PHF2: variants seen among roughly 807,000 people sequenced by gnomAD.
PHF2 encodes the protein PHD finger protein 2.
In PHF2, 27 loss-of-function variants were observed where a neutral mutation model predicts 120.5. The ratio of observed to expected loss-of-function variants is 0.22; its 90% CI spans 0.17 to 0.31. PHF2 has a LOEUF of 0.31. Among genes scored for constraint, PHF2 ranks in the 10% least tolerant of loss-of-function variants. The pLI is 1.00. For synonymous variants in PHF2, 568 were observed against 592.5 expected, an observed-to-expected ratio of 0.96 and a Z score of 0.60; for missense variants, 1,024 against 1,434.8, an observed-to-expected ratio of 0.71 and a Z score of 4.63.
At chr9:93,604,900 AG>A (rs1825511515) in intron 1 of PHF2, among the ~76,000 whole-genome samples, 1 of 152,026 alleles carries the variant, frequency 6.6e-6, no homozygotes, top group Non-Finnish European at 1.5e-5. Context: ...TTTATGTCTT[AG>A]CATTCCCACC....
intron 12 of PHF2, among the ~76,000 whole-genome samples, chr9:93,662,518 G>GAATT (rs1407715309): frequency 6.7e-6 from 1 of 149,384 alleles, no homozygotes. Flanking sequence ...ATGAACGAAT[G>GAATT]GATGGATGGG....
At chr9:93,582,144 A>G (rs1006242899) in intron 1 of PHF2, among the ~76,000 whole-genome samples, 6 of 152,172 alleles carry the variant, frequency 3.9e-5, no homozygotes, top group African/African-American at 1.4e-4. Flanking sequence ...ACACAGAAGC[A>G]GCTAGGGCCT....
chr9:93,581,571 C>G (rs1287433360), intron 1 of PHF2, among the ~76,000 whole-genome samples: 1 of 152,216 alleles, frequency 6.6e-6, no homozygotes, highest in South Asian at 2.1e-4. Context: ...AGACATCCCT[C>G]TCTGTCGATG....
intron 2 of PHF2, among the ~76,000 whole-genome samples, chr9:93,635,421 T>G (rs1826073986): frequency 6.6e-6 from 1 of 152,126 alleles, no homozygotes; most frequent in South Asian, 2.1e-4. Context: ...CCTGCCTGGC[T>G]CTGCTCTTGA....
intron 11 of PHF2, 150 bp downstream of exon 11, chr9:93,659,750 A>T (rs1250521512): frequency 1.4e-5 from 10 of 709,952 alleles, no homozygotes; most frequent in Non-Finnish European, 2.4e-5. Flanking sequence ...TTTCCTGGGC[A>T]AGCTTGCCTT....
chr9:93,649,589 C>T (rs1826325853), intron 5 of PHF2, among the ~76,000 whole-genome samples: 2 of 152,132 alleles, frequency 1.3e-5, no homozygotes, highest in Admixed American at 6.5e-5. Context: ...TCATGACACA[C>T]TCAGACACAT....
chr9:93,586,288 G>A, intron 1 of PHF2, among the ~76,000 whole-genome samples: 1 of 152,204 alleles, frequency 6.6e-6, no homozygotes, highest in East Asian at 1.9e-4. Context: ...TGGTGCTTGT[G>A]GAATCTCTCC....
In PHF2 at chr9:93,576,791, G is replaced by T; in HGVS notation, c.18G>T (p.Val6=). ...GCGGCAACATGGCGACGGTGCCCGTGTACTGCGTCTGCCGGCTCCCCTACG... is the reference window on the plus strand; with the variant it reads ...GCGGCAACATGGCGACGGTGCCCGTTTACTGCGTCTGCCGGCTCCCCTACG... The part of the protein sequence containing the change: MATVP[V]YCVCRLPYDV... The change falls in exon 1 of 22, where the codon GTG becomes GTT. Residue 6 remains valine, a synonymous_variant. Coordinates refer to ENST00000359246, the MANE Select transcript of PHF2 (RefSeq NM_005392.4). 3 of 1,280,510 alleles carry T rather than the reference G, an allele frequency of 2.3e-6. No individual in the cohort carries two copies. The highest frequency in any genetic ancestry group is 3.1e-6 in the Non-Finnish European group (3 of 980,142). 79.3% of individuals were successfully genotyped at this position (1,280,510 alleles called of 1,614,324 possible).
intron 1 of PHF2, among the ~76,000 whole-genome samples, chr9:93,614,988 G>A (rs1214050652): frequency 2.0e-5 from 3 of 151,640 alleles, no homozygotes; most frequent in Middle Eastern, 3.2e-3. Flanking sequence ...TAATGGTGAT[G>A]ATGATGATGG....
intron 4 of PHF2, among the ~76,000 whole-genome samples, chr9:93,646,105 G>T (rs1443685205): frequency 1.3e-5 from 2 of 152,216 alleles, no homozygotes; most frequent in Non-Finnish European, 2.9e-5. Context: ...TGCCATGCCT[G>T]GGAGGCCCTG....
intron 17 of PHF2, chr9:93,671,086 AG>A (rs1220018811): frequency 4.7e-6 from 4 of 844,780 alleles, no homozygotes; most frequent in Admixed American, 2.3e-4. Flanking sequence ...GGGTGGGGGT[AG>A]GTGCAGGTGT....
intron 5 of PHF2, among the ~76,000 whole-genome samples, chr9:93,651,170 A>C (rs1826363793): frequency 6.6e-6 from 1 of 152,166 alleles, no homozygotes; most frequent in South Asian, 2.1e-4. Flanking sequence ...TAAAAGGGAA[A>C]TGGAGTGGGT....
chr9:93,597,862 C>T (rs1825363372), intron 1 of PHF2, among the ~76,000 whole-genome samples: 1 of 152,150 alleles, frequency 6.6e-6, no homozygotes, highest in African/African-American at 2.4e-5. Flanking sequence ...ACTCTCCCCT[C>T]TTCCTCTCAG....
At chr9:93,644,584 C>A (rs866457664) in intron 3 of PHF2, among the ~76,000 whole-genome samples, 3 of 152,114 alleles carry the variant, frequency 2.0e-5, no homozygotes, top group Non-Finnish European at 4.4e-5. Flanking sequence ...GCAGGGTGCT[C>A]TTTCCCCTGT....
intron 1 of PHF2, among the ~76,000 whole-genome samples, chr9:93,607,995 G>GAC (rs199915335): frequency 9.5e-6 from 1 of 105,528 alleles, no homozygotes; most frequent in Admixed American, 8.9e-5. Context: ...GGAGGGAGAT[G>GAC]AGAGAGAGAG....
In PHF2 at chr9:93,653,257, G is replaced by A; in HGVS notation, c.681G>A (p.Leu227=). 1 of 1,614,158 alleles carries A rather than the reference G, an allele frequency of 6.2e-7. No individual in the cohort carries two copies. The highest frequency in any genetic ancestry group is 8.5e-7 in the Non-Finnish European group (1 of 1,180,020). Residue 227 remains leucine, a synonymous_variant, in exon 6 of 22, where the codon TTG becomes TTA. Transcript: ENST00000359246. Reference sequence around the variant, plus strand: ...AAAACTACTGGCCAGATGATGCATTGCTGGCCAAGCCCAAAGTGACCAAGT... The same window carrying A: ...AAAACTACTGGCCAGATGATGCATTACTGGCCAAGCCCAAAGTGACCAAGT... The part of the protein sequence containing the change: ...WVENYWPDDA[L]LAKPKVTKYC...
intron 1 of PHF2, among the ~76,000 whole-genome samples, chr9:93,606,947 A>T (rs994484564): frequency 2.0e-5 from 3 of 152,194 alleles, no homozygotes; most frequent in Admixed American, 2.0e-4. Flanking sequence ...CCATTTGTTG[A>T]TCAGACTGTT....
At chr9:93,655,870 G>T in intron 7 of PHF2, 64 bp from the exon 8 acceptor site, 2 of 1,236,308 alleles carry the variant, frequency 1.6e-6, no homozygotes, top group Non-Finnish European at 2.3e-6. Flanking sequence ...CCCTGATCTA[G>T]AGCCATGAGA....
At chr9:93,619,033 T>G (rs1825780507) in intron 1 of PHF2, among the ~76,000 whole-genome samples, 1 of 149,396 alleles carries the variant, frequency 6.7e-6, no homozygotes, top group South Asian at 2.2e-4. Flanking sequence ...CTGCCTGTCC[T>G]TGCCCACCAT....
Sources: gnomAD v4.1 joint callset for allele counts (sites outside exome capture counted in the v4.1 genomes callset) on GRCh38, gnomAD v4.1.1 for gene constraint, MANE v1.5 for transcripts, NCBI Gene and HGNC (gene_info 2026-07-23, HGNC 2026-07-21) for gene names.